The following MYH11 variants were observed in gnomAD, a reference collection of about 807,000 sequenced individuals.
MYH11 encodes the protein myosin-11.
A neutral mutation model predicts 246.6 loss-of-function variants in MYH11; 80 were observed. The observed-to-expected ratio is 0.32, with a 90% CI of 0.27 to 0.39. The LOEUF is 0.39. Among genes scored for constraint, MYH11 ranks in the 10% least tolerant of loss-of-function variants. MYH11 has a pLI of 1.00. For synonymous variants in MYH11, 1,071 were observed against 1,015.5 expected (o/e 1.05, Z -1.04); for missense variants, 2,158 against 2,546.8 (o/e 0.85, Z 3.29).
intron 40 of MYH11, among the ~76,000 whole-genome samples, chr16:15,708,402 T>C (rs1021611173): frequency 2.6e-5 from 4 of 152,194 alleles, no homozygotes; most frequent in African/African-American, 9.6e-5. Flanking sequence ...GTCATATTCA[T>C]TCAGTGCAGT....
intron 25 of MYH11, among the ~76,000 whole-genome samples, chr16:15,735,823 C>T (rs751426801): frequency 2.5e-4 from 38 of 152,182 alleles, no homozygotes; most frequent in South Asian, 2.1e-4. Context: ...TGTGTATGCA[C>T]GTGTGTGCAT....
intron 3 of MYH11, among the ~76,000 whole-genome samples, chr16:15,806,870 G>T (rs1023275677): frequency 2.0e-5 from 3 of 152,146 alleles, no homozygotes; most frequent in African/African-American, 7.2e-5. Context: ...AGAAGCAATG[G>T]AAAATGCATA....
intron 12 of MYH11, among the ~76,000 whole-genome samples, chr16:15,758,648 A>G (rs2041792478): frequency 6.6e-6 from 1 of 151,938 alleles, no homozygotes; most frequent in Non-Finnish European, 1.5e-5. Context: ...TACCAAAAAA[A>G]AAAAAAAAAG....
intron 9 of MYH11, among the ~76,000 whole-genome samples, chr16:15,765,679 G>A (rs2041966248): frequency 6.6e-6 from 1 of 152,128 alleles, no homozygotes; most frequent in Non-Finnish European, 1.5e-5. Context: ...CTCACGCCAT[G>A]GGGTCCCTGG....
At chr16:15,763,741 T>TCGGCC in intron 10 of MYH11, 55 bp downstream of exon 10, 26 of 646,854 alleles carry the variant, frequency 4.0e-5, no homozygotes, top group East Asian at 6.3e-5. Flanking sequence ...AAATGTCACC[T>TCGGCC]CCCCCACCCC....
intron 3 of MYH11, among the ~76,000 whole-genome samples, chr16:15,803,544 T>TA (rs1394270130): frequency 6.6e-6 from 1 of 152,112 alleles, no homozygotes; most frequent in Non-Finnish European, 1.5e-5. Context: ...CCCAAAGTAC[T>TA]AAAAAGTGAT....
chr16:15,770,064 T>C (rs2042064889), intron 9 of MYH11, among the ~76,000 whole-genome samples: 1 of 152,054 alleles, frequency 6.6e-6, no homozygotes, highest in Admixed American at 6.6e-5. Context: ...ACTTAACCAT[T>C]GTTCATTGTT....
At chr16:15,716,285 GTT>G (rs2040130848) in intron 38 of MYH11, among the ~76,000 whole-genome samples, 1 of 151,944 alleles carries the variant, frequency 6.6e-6, no homozygotes, top group Non-Finnish European at 1.5e-5. Flanking sequence ...TGTGGTGATC[GTT>G]TTTACATGTT....
At chr16:15,767,306 C>T (rs911465989) in intron 9 of MYH11, among the ~76,000 whole-genome samples, 32 of 152,082 alleles carry the variant, frequency 2.1e-4, no homozygotes, top group South Asian at 1.0e-3. Context: ...ATCTGCAAAA[C>T]GGAGATGGTA....
intron 5 of MYH11, chr16:15,782,690 T>C (rs988523753): frequency 1.3e-5 from 7 of 556,974 alleles, no homozygotes; most frequent in Non-Finnish European, 2.3e-5. Context: ...GGACATCTGC[T>C]CCCTAGGAAG....
At chr16:15,797,388 G>C (rs2042765442) in intron 4 of MYH11, among the ~76,000 whole-genome samples, 1 of 151,878 alleles carries the variant, frequency 6.6e-6, no homozygotes, top group Non-Finnish European at 1.5e-5. Flanking sequence ...GTTTGCCCCT[G>C]TGTTTTCCAC....
rs1295006027 is a variant in MYH11, at chr16:15,724,201, A to G, written c.4325T>C (p.Leu1442Pro). The change falls in exon 31 of 41, where the codon CTC becomes CCC. Residue 1442 changes from leucine (L) to proline (P), a missense_variant. By Grantham distance (98) the Leu-to-Pro change is moderately conservative (BLOSUM62 -3). Transcript: ENST00000300036. Reference protein sequence around the residue: ...LVVDLDNQRQLVSNLEKKQRK... With the variant: ...LVVDLDNQRQPVSNLEKKQRK... ...CTGCTTCTTTTCCAGGTTGGACACG[A>G]GTTGCCGCTGGTTGTCCAAATCAAC... The G allele has an allele frequency of 6.2e-7, 1 of 1,614,068 alleles. No homozygotes were observed. Among genetic ancestry groups the G allele is most frequent in the East Asian group, 2.2e-5 (1 of 44,880 alleles).
intron 40 of MYH11, among the ~76,000 whole-genome samples, chr16:15,706,236 T>C (rs1384279917): frequency 6.6e-6 from 1 of 152,122 alleles, no homozygotes; most frequent in Non-Finnish European, 1.5e-5. Context: ...ACTAGAGAAC[T>C]CTCCATCCTT....
chr16:15,771,679 G>A lies in MYH11; in HGVS notation c.923C>T (p.Thr308Ile), dbSNP rs766183134. The A allele has an allele frequency of 1.2e-6, 2 of 1,614,112 alleles. No individual in the cohort carries two copies. The highest frequency in any genetic ancestry group is 8.5e-7 in the Non-Finnish European group (1 of 1,180,024). ...GGGCACAAAGCCATTGGAGAGGAAG[G>A]TGTAGTTGTTGAAGCCCTCCAAAAG... is the stretch of plus-strand genomic sequence containing the variant. ...DLLLEGFNNY[T>I]FLSNGFVPIP... is the part of the protein sequence containing the mutation. Residue 308 changes from threonine (T) to isoleucine (I), a missense_variant, in exon 9 of 41, where the codon ACC (threonine) becomes ATC (isoleucine). By Grantham distance (89) the Thr-to-Ile change is moderately conservative. Coordinates refer to ENST00000300036, the MANE Select transcript of MYH11 (RefSeq NM_002474.3).
chr16:15,781,439 G>A (rs566315239), intron 6 of MYH11, among the ~76,000 whole-genome samples: 1 of 152,284 alleles, frequency 6.6e-6, no homozygotes, highest in East Asian at 1.9e-4. Flanking sequence ...AGAGCTTTCT[G>A]CAAAGAGTCT....
At chr16:15,736,413 G>C (rs1484878449) in intron 25 of MYH11, among the ~76,000 whole-genome samples, 1 of 152,054 alleles carries the variant, frequency 6.6e-6, no homozygotes, top group Non-Finnish European at 1.5e-5. Flanking sequence ...TGAGTAGCTG[G>C]GACTACAGGC....
chr16:15,790,826 C>T (rs1204512107), intron 4 of MYH11: 3 of 152,312 alleles, frequency 2.0e-5, no homozygotes, highest in Non-Finnish European at 2.9e-5. Flanking sequence ...ACTTAATCCC[C>T]CAGCCAGGCT....
At chr16:15,854,537 G>A (rs1267771465) in intron 1 of MYH11, among the ~76,000 whole-genome samples, 1 of 152,200 alleles carries the variant, frequency 6.6e-6, no homozygotes, top group Admixed American at 6.5e-5. Flanking sequence ...TTGTTATGAA[G>A]ACGTAAGATA....
intron 3 of MYH11, among the ~76,000 whole-genome samples, chr16:15,816,397 A>C (rs1286475605): frequency 6.7e-6 from 1 of 150,220 alleles, no homozygotes; most frequent in Non-Finnish European, 1.5e-5. Flanking sequence ...GGTTAAATAC[A>C]TGGAAAACAA....
Sources: allele counts gnomAD v4.1 joint callset (sites outside exome capture counted in the v4.1 genomes callset), GRCh38; gene constraint gnomAD v4.1.1; transcripts MANE v1.5; gene names NCBI Gene and HGNC (gene_info 2026-07-23, HGNC 2026-07-21).